Variants in TBC1D22A observed in about 807,000 individuals in gnomAD.
The protein encoded by TBC1D22A is TBC1 domain family member 22A, also known as putative GTPase activator.
Under a neutral mutation model 60.2 loss-of-function variants are expected in TBC1D22A, and 38 were observed. The observed-to-expected ratio is 0.63, with a 90% CI of 0.49 to 0.83. The LOEUF is 0.83. TBC1D22A is among the 40% of genes least tolerant of loss of function. TBC1D22A has a pLI of 0.00. For synonymous variants in TBC1D22A, 302 were observed against 281.7 expected (o/e 1.07, Z -0.72); for missense variants, 628 against 701.0 (o/e 0.90, Z 1.18).
intron 8 of TBC1D22A, among the ~76,000 whole-genome samples, chr22:46,967,833 TGCACCCCC>T (rs2073877751): frequency 2.0e-5 from 3 of 150,334 alleles, no homozygotes; most frequent in Admixed American, 1.3e-4. Context: ...ATGATTCCAG[TGCACCCCC>T]TGGTAATTAC....
chr22:47,086,010 T>A (rs2064667556), intron 11 of TBC1D22A, among the ~76,000 whole-genome samples: 1 of 152,220 alleles, frequency 6.6e-6, no homozygotes, highest in Non-Finnish European at 1.5e-5. Flanking sequence ...GATTAAGCAT[T>A]TGAAGCATGC....
At chr22:46,800,331 G>T (rs1180307874) in intron 4 of TBC1D22A, among the ~76,000 whole-genome samples, 6 of 152,210 alleles carry the variant, frequency 3.9e-5, no homozygotes, top group Admixed American at 3.9e-4. Context: ...AGCACCAGGT[G>T]TGGAGGTGTC....
chr22:47,054,072 G>A (rs979241608), intron 11 of TBC1D22A, among the ~76,000 whole-genome samples: 2 of 152,168 alleles, frequency 1.3e-5, no homozygotes, highest in Non-Finnish European at 2.9e-5. Context: ...AATGGCCAGC[G>A]CTGCTCAGAG....
At chr22:47,093,446 G>A (rs529965184) in intron 11 of TBC1D22A, among the ~76,000 whole-genome samples, 1 of 152,160 alleles carries the variant, frequency 6.6e-6, no homozygotes, top group Non-Finnish European at 1.5e-5. Context: ...CAGCAGCAAA[G>A]GATGAGAGAG....
intron 8 of TBC1D22A, among the ~76,000 whole-genome samples, chr22:46,958,343 T>C (rs2148041951): frequency 6.6e-6 from 1 of 152,298 alleles, no homozygotes; most frequent in African/African-American, 2.4e-5. Flanking sequence ...CCCCAGCCCC[T>C]TCACGTCTCC....
intron 1 of TBC1D22A, among the ~76,000 whole-genome samples, chr22:46,779,811 C>T (rs1416986776): frequency 6.6e-6 from 1 of 152,194 alleles, no homozygotes; most frequent in Non-Finnish European, 1.5e-5. Flanking sequence ...AGAAGCAGCA[C>T]CACATAGCTG....
chr22:47,059,420 A>T (rs1364869528), intron 11 of TBC1D22A, among the ~76,000 whole-genome samples: 1 of 152,210 alleles, frequency 6.6e-6, no homozygotes, highest in Admixed American at 6.5e-5. Flanking sequence ...TTCAGAAGCC[A>T]TAGCTTTGCG....
At chr22:46,981,811 C>T (rs373724198) in intron 9 of TBC1D22A, among the ~76,000 whole-genome samples, 1 of 152,122 alleles carries the variant, frequency 6.6e-6, no homozygotes, top group Admixed American at 6.6e-5. Flanking sequence ...TACAGTAGAT[C>T]GAGCAGATAA....
intron 4 of TBC1D22A, among the ~76,000 whole-genome samples, chr22:46,813,728 C>T (rs1319678635): frequency 6.6e-6 from 1 of 152,122 alleles, no homozygotes; most frequent in Non-Finnish European, 1.5e-5. Context: ...GGGGATTTGG[C>T]TGGGGGTGGG....
At chr22:47,026,768 T>C (rs1429771774) in intron 10 of TBC1D22A, among the ~76,000 whole-genome samples, 2 of 152,206 alleles carry the variant, frequency 1.3e-5, no homozygotes, top group Admixed American at 1.3e-4. Flanking sequence ...GACCTAATCA[T>C]GTTCAGAGAT....
Position 46,773,563 on chromosome 22 carries a change from C to G in TBC1D22A, c.62+10715C>G, listed in dbSNP as rs151053655. Among the ~76,000 whole-genome samples, 170 of 152,296 alleles carry G rather than the reference C, an allele frequency of 1.1e-3. 1 individual carries two copies. Among genetic ancestry groups the G allele is most frequent in the African/African-American group, 3.9e-3 (161 of 41,550 alleles). ...CACTGTAACCTCTGCCTCCCGGGTTCAAGCAGTTCTCCTGCCTCAGCCTCC... is the reference window on the plus strand; with the variant it reads ...CACTGTAACCTCTGCCTCCCGGGTTGAAGCAGTTCTCCTGCCTCAGCCTCC... On this transcript the variant is annotated intron_variant, in intron 1 of 12. Transcript: ENST00000337137.
chr22:46,762,960 C>A, intron 1 of TBC1D22A, 112 bp downstream of exon 1: 1 of 975,504 alleles, frequency 1.0e-6, no homozygotes, highest in Non-Finnish European at 1.5e-6. Context: ...AACTTGGACT[C>A]TGAGGAGACT....
At chr22:46,941,883 G>GTATAGAATATATGTA (rs1433421554) in intron 8 of TBC1D22A, among the ~76,000 whole-genome samples, 2 of 145,738 alleles carry the variant, frequency 1.4e-5, no homozygotes, top group African/African-American at 2.5e-5. Flanking sequence ...TATAGAATAT[G>GTATAGAATATATGTA]TATAGAATAT....
intron 9 of TBC1D22A, among the ~76,000 whole-genome samples, chr22:46,997,303 G>A (rs956820040): frequency 3.3e-5 from 5 of 152,176 alleles, no homozygotes; most frequent in African/African-American, 1.2e-4. Context: ...AGACGGTTCT[G>A]GTCAATGAGC....
At chr22:47,108,602 T>C (rs1270463127) in intron 11 of TBC1D22A, among the ~76,000 whole-genome samples, 2 of 152,264 alleles carry the variant, frequency 1.3e-5, no homozygotes, top group Non-Finnish European at 2.9e-5. Flanking sequence ...GCCATAGATA[T>C]GTCCACTACC....
At chr22:47,144,534 T>C (rs1679053943) in intron 12 of TBC1D22A, among the ~76,000 whole-genome samples, 1 of 152,244 alleles carries the variant, frequency 6.6e-6, no homozygotes, top group South Asian at 2.1e-4. Flanking sequence ...TGAGCCCCTG[T>C]CTGCCTGGCG....
chr22:46,873,603 T>C (rs533971651), intron 4 of TBC1D22A, among the ~76,000 whole-genome samples: 74 of 152,262 alleles, frequency 4.9e-4, no homozygotes, highest in South Asian at 1.2e-3. Context: ...TTGTACAGAT[T>C]CTTTCATCAT....
intron 1 of TBC1D22A, among the ~76,000 whole-genome samples, chr22:46,766,142 C>T (rs1014264369): frequency 9.2e-5 from 14 of 152,050 alleles, no homozygotes; most frequent in African/African-American, 1.4e-4. Context: ...GGACTACAGG[C>T]GCCTGCCACC....
chr22:47,036,464 G>T (rs1352805463), intron 10 of TBC1D22A, among the ~76,000 whole-genome samples: 3 of 152,206 alleles, frequency 2.0e-5, no homozygotes, highest in Non-Finnish European at 4.4e-5. Flanking sequence ...GCTGGTGTGA[G>T]CGTGTGCTTC....
Sources: gnomAD v4.1 joint callset for allele counts (sites outside exome capture counted in the v4.1 genomes callset) on GRCh38, gnomAD v4.1.1 for gene constraint, MANE v1.5 for transcripts, NCBI Gene and HGNC (gene_info 2026-07-23, HGNC 2026-07-21) for gene names.